The following ADGRE3 variants were observed in gnomAD, a reference collection of about 807,000 sequenced individuals.
The protein encoded by ADGRE3 is EGF-like module receptor 3.
A neutral mutation model predicts 80.1 loss-of-function variants in ADGRE3; 88 were observed. The ratio of observed to expected loss-of-function variants is 1.10; its 90% confidence interval spans 0.93 to 1.31. The LOEUF is 1.31. Among genes scored for constraint, ADGRE3 ranks in the 40% most tolerant of loss-of-function variants. The pLI, the probability that ADGRE3 is intolerant of heterozygous loss-of-function variation, is 0.00. For missense variants in ADGRE3, 715 were observed against 776.5 expected (o/e 0.92, Z 0.94); for synonymous variants, 281 against 294.8 (o/e 0.95, Z 0.48).
intron 14 of ADGRE3, among the ~76,000 whole-genome samples, chr19:14,627,955 C>A (rs953846894): frequency 6.6e-6 from 1 of 151,472 alleles, no homozygotes; most frequent in Non-Finnish European, 1.5e-5. Flanking sequence ...ATGGAGAAAC[C>A]CTGTCTCTAT....
intron 7 of ADGRE3, among the ~76,000 whole-genome samples, chr19:14,649,216 C>G (rs1277465953): frequency 6.7e-6 from 1 of 150,164 alleles, no homozygotes; most frequent in Non-Finnish European, 1.5e-5. Flanking sequence ...ATCTCTCTCT[C>G]CCCATCTCTC....
At chr19:14,657,465 C>T (rs1971798893) in intron 5 of ADGRE3, among the ~76,000 whole-genome samples, 1 of 151,930 alleles carries the variant, frequency 6.6e-6, no homozygotes, top group Non-Finnish European at 1.5e-5. Flanking sequence ...CTTTAGATGG[C>T]AACACACACA....
intron 13 of ADGRE3, among the ~76,000 whole-genome samples, chr19:14,630,639 C>T (rs529293508): frequency 6.6e-6 from 1 of 151,512 alleles, no homozygotes; most frequent in African/African-American, 2.4e-5. Flanking sequence ...GTCTTGAACT[C>T]CTGACCTCAA....
In ADGRE3 at chr19:14,638,204, A is replaced by G; in HGVS notation, c.1385T>C (p.Leu462Pro). The change falls in exon 11 of 16, where the codon CTC (leucine) becomes CCC (proline). Residue 462 changes from leucine (L) to proline (P), a missense_variant. By Grantham distance (98) the Leu-to-Pro change is moderately conservative. Coordinates refer to ENST00000253673, the MANE Select transcript of ADGRE3 (RefSeq NM_032571.5). ...TVVNYSSINR[L>P]MKWIMFPVGY... ...GACTGGGAACATGATCCACTTCATG[A>G]GTCTATTGATGCTTGAGTAGTTGAC... 6.2e-7 allele frequency: 1 copy of G among 1,614,074 alleles called. No individual in the cohort carries two copies. The highest frequency in any genetic ancestry group is 1.7e-5 in the Admixed American group (1 of 59,992).
the ADGRE3 span, among the ~76,000 whole-genome samples, chr19:14,607,695 G>A: frequency 6.6e-6 from 1 of 151,596 alleles, no homozygotes; most frequent in Admixed American, 6.6e-5. Flanking sequence ...TTCCACCTTA[G>A]TCTCCCAAGT....
chr19:14,615,618 C>T (rs912121659), downstream of ADGRE3, among the ~76,000 whole-genome samples: 5 of 151,374 alleles, frequency 3.3e-5, no homozygotes, highest in Admixed American at 6.6e-5. Context: ...AAAAATTAGC[C>T]GGGCGTGGTG....
In ADGRE3 at chr19:14,658,175, A is replaced by G. The variant is rs565134624; in HGVS notation, c.393+338T>C. Among the ~76,000 whole-genome samples, 25 of 152,170 alleles carry G rather than the reference A, an allele frequency of 1.6e-4. No individual in the cohort carries two copies. In the South Asian group the frequency reaches 5.2e-3, roughly 32 times the overall value. On this transcript the variant is annotated intron_variant, in intron 5 of 15. Transcript: ENST00000253673. The stretch of plus-strand genomic sequence containing the variant: ...ACTGTATATATAGTGATATATCTAT[A>G]GTGAGCTGGATAATGATACATATAT...
At chr19:14,650,246 T>C (rs1211653146) in intron 7 of ADGRE3, among the ~76,000 whole-genome samples, 10 of 127,302 alleles carry the variant, frequency 7.9e-5, no homozygotes, top group South Asian at 2.7e-4. Context: ...CCATCTCTCT[T>C]CCCTTCTCTC....
chr19:14,644,180 C>G lies in ADGRE3; in HGVS notation c.978G>C (p.Val326=). The change falls in exon 9 of 16, where the codon GTG becomes GTC. Residue 326 remains valine, a synonymous_variant. Transcript: ENST00000253673. The part of the protein sequence containing the change: ...WSRDGCFLIH[V]NKSHTMCNCS... ...AATTACACATGGTGTGACTCTTGTT[C>G]ACGTGTATCAGGAAGCAGCCATCCC... The G allele has an allele frequency of 6.2e-7, 1 of 1,609,600 alleles. No individual in the cohort carries two copies. The highest frequency in any genetic ancestry group is 1.1e-5 in the South Asian group (1 of 90,338).
At chr19:14,605,477 A>C in the ADGRE3 span, among the ~76,000 whole-genome samples, 1 of 152,314 alleles carries the variant, frequency 6.6e-6, no homozygotes, top group African/African-American at 2.4e-5. Flanking sequence ...AAATGCACAG[A>C]TCTTTGATGT....
intron 4 of ADGRE3, among the ~76,000 whole-genome samples, chr19:14,659,433 C>T (rs1283581760): frequency 6.6e-6 from 1 of 152,110 alleles, no homozygotes; most frequent in East Asian, 1.9e-4. Flanking sequence ...TTAAAGTCAG[C>T]CTGGCTGGGA....
chr19:14,619,711 A>T (rs1421734449), intron 15 of ADGRE3, among the ~76,000 whole-genome samples: 1 of 152,196 alleles, frequency 6.6e-6, no homozygotes. Context: ...ATTTTCAGAC[A>T]TATTACACTC....
chr19:14,659,608 C>G (rs1299553875), intron 4 of ADGRE3, among the ~76,000 whole-genome samples: 3 of 151,706 alleles, frequency 2.0e-5, no homozygotes, highest in African/African-American at 7.3e-5. Flanking sequence ...ATCATATGAG[C>G]CTAGGCATTC....
intron 10 of ADGRE3, among the ~76,000 whole-genome samples, chr19:14,640,074 T>A (rs1055481791): frequency 2.6e-5 from 4 of 152,176 alleles, no homozygotes; most frequent in African/African-American, 9.7e-5. Flanking sequence ...ATAAGTGAGA[T>A]CATGCACTGT....
intron 5 of ADGRE3, among the ~76,000 whole-genome samples, chr19:14,657,827 C>T (rs910042376): frequency 6.6e-6 from 1 of 151,646 alleles, no homozygotes; most frequent in Non-Finnish European, 1.5e-5. Flanking sequence ...GCAGTGGCAA[C>T]ATCTCCACTC....
chr19:14,641,619 G>A lies in ADGRE3; in HGVS notation c.1051-3C>T. 1 of 1,613,916 alleles carries A rather than the reference G, an allele frequency of 6.2e-7. No homozygotes were observed. The stretch of plus-strand genomic sequence containing the variant: ...ACAGTCAGCACGGGATCCTCCTCCT[G>A]GGACCGAGAAAAAAAGTTCACAGTG... On this transcript the variant is annotated splice_polypyrimidine_tract_variant and splice_region_variant and intron_variant, in intron 9 of 15. Transcript: ENST00000253673.
At chr19:14,650,854 A>G (rs756105373) in intron 7 of ADGRE3, among the ~76,000 whole-genome samples, 5 of 152,188 alleles carry the variant, frequency 3.3e-5, no homozygotes, top group African/African-American at 4.8e-5. Context: ...GGACACAGGC[A>G]GAACAGCACT....
chr19:14,633,771 A>C (rs1485821024), intron 11 of ADGRE3, among the ~76,000 whole-genome samples: 2 of 145,246 alleles, frequency 1.4e-5, no homozygotes, highest in African/African-American at 5.1e-5. Flanking sequence ...AGCTGATGAC[A>C]ATAGCTTTTT....
chr19:14,635,398 C>G (rs190236955), intron 11 of ADGRE3, among the ~76,000 whole-genome samples: 9 of 151,420 alleles, frequency 5.9e-5, no homozygotes, highest in South Asian at 2.1e-4. Context: ...AACCACCATG[C>G]CTGGTCTTCC....
Sources: gnomAD v4.1 joint callset for allele counts (sites outside exome capture counted in the v4.1 genomes callset) on GRCh38, gnomAD v4.1.1 for gene constraint, MANE v1.5 for transcripts, NCBI Gene and HGNC (gene_info 2026-07-23, HGNC 2026-07-21) for gene names.